Variants in ANKS1B observed in about 807,000 individuals in gnomAD.
ANKS1B encodes ankyrin repeat and sterile alpha motif domain containing 1B, also known as ankyrin repeat and sterile alpha motif domain-containing protein 1B.
ANKS1B carries 36 observed loss-of-function variants against 148.3 expected under a neutral mutation model. The observed-to-expected ratio is 0.24, with a 90% CI of 0.19 to 0.32. The LOEUF is 0.32. Ranked by LOEUF, ANKS1B falls within the 10% of genes least tolerant of loss-of-function variation. ANKS1B has a pLI of 1.00. For missense variants in ANKS1B, 1,157 were observed against 1,542.6 expected, an observed-to-expected ratio of 0.75 and a Z score of 4.19; for synonymous variants, 542 against 560.8, an observed-to-expected ratio of 0.97 and a Z score of 0.47.
At chr12:99,860,479 A>C (rs2089874620) in intron 1 of ANKS1B, among the ~76,000 whole-genome samples, 1 of 152,230 alleles carries the variant, frequency 6.6e-6, no homozygotes, top group African/African-American at 2.4e-5. Context: ...AGATCTTCTA[A>C]TGAAAGGAAA....
chr12:99,919,197 A>G (rs1254646078), intron 1 of ANKS1B, among the ~76,000 whole-genome samples: 1 of 152,168 alleles, frequency 6.6e-6, no homozygotes, highest in African/African-American at 2.4e-5. Flanking sequence ...TGATAGAAAG[A>G]GTATGAATTC....
At chr12:99,712,375 G>C (rs991244438) in intron 8 of ANKS1B, among the ~76,000 whole-genome samples, 2 of 152,116 alleles carry the variant, frequency 1.3e-5, no homozygotes, top group Non-Finnish European at 2.9e-5. Context: ...ATGGACCTAT[G>C]AAGCTACAAT....
intron 9 of ANKS1B, 34 bp downstream of exon 9, chr12:99,655,033 G>T (rs1164670527): frequency 2.7e-6 from 4 of 1,508,862 alleles, no homozygotes; most frequent in Admixed American, 4.2e-5. Flanking sequence ...AACCATTTTT[G>T]TTTTATTGTA....
chr12:99,075,092 G>A (rs762912764), intron 16 of ANKS1B, among the ~76,000 whole-genome samples: 2 of 152,172 alleles, frequency 1.3e-5, no homozygotes, highest in Non-Finnish European at 2.9e-5. Context: ...TACAGAAGGA[G>A]ATGATGTTTC....
rs71088130 is a variant in ANKS1B, at chr12:99,523,551, C to CTTTT, written c.1273-18914_1273-18911dup. Among the ~76,000 whole-genome samples the CTTTT allele has an allele frequency of 1.2e-3, 139 of 119,588 alleles. 2 individuals are homozygous for CTTTT. The highest frequency in any genetic ancestry group is 3.3e-3 in the African/African-American group (99 of 29,890). 78.5% of individuals were successfully genotyped at this position (119,588 alleles called of 152,430 possible). A position where few individuals can be genotyped will look rare whatever the true frequency, so the allele number is the denominator to read the frequency against. ...TAGCCTGATCTATACAAGGCATCTT[C>CTTTT]TTTTTTTTTTTTTTTTTTTTGAGAC... On this transcript the variant is annotated intron_variant, in intron 9 of 26. Coordinates refer to ENST00000683438, the MANE Select transcript of ANKS1B (RefSeq NM_001352186.2).
chr12:99,640,968 T>C (rs1274157293), intron 9 of ANKS1B, among the ~76,000 whole-genome samples: 1 of 152,232 alleles, frequency 6.6e-6, no homozygotes, highest in East Asian at 1.9e-4. Context: ...TGTTTAAGTA[T>C]ATAAAGCAGG....
chr12:99,611,685 C>T (rs2097903675), intron 9 of ANKS1B, among the ~76,000 whole-genome samples: 1 of 151,892 alleles, frequency 6.6e-6, no homozygotes, highest in Non-Finnish European at 1.5e-5. Context: ...TTTTTAATGC[C>T]CATTTGAGAT....
intron 17 of ANKS1B, among the ~76,000 whole-genome samples, chr12:98,961,477 A>C (rs1315466123): frequency 1.3e-5 from 2 of 152,202 alleles, no homozygotes; most frequent in Non-Finnish European, 2.9e-5. Flanking sequence ...TGTCCTACAA[A>C]AAAATGCTAA....
intron 1 of ANKS1B, among the ~76,000 whole-genome samples, chr12:99,872,467 A>C (rs185250162): frequency 6.6e-6 from 1 of 152,148 alleles, no homozygotes; most frequent in Non-Finnish European, 1.5e-5. Flanking sequence ...ACCAATGTGA[A>C]ACAAATATCA....
intron 9 of ANKS1B, among the ~76,000 whole-genome samples, chr12:99,593,225 A>G (rs961635017): frequency 5.9e-5 from 9 of 151,786 alleles, no homozygotes; most frequent in Non-Finnish European, 4.4e-5. Flanking sequence ...GGAGAGGTCC[A>G]TTCAGATGGT....
At chr12:99,548,941 T>C (rs1653666799) in intron 9 of ANKS1B, among the ~76,000 whole-genome samples, 2 of 152,190 alleles carry the variant, frequency 1.3e-5, no homozygotes, top group African/African-American at 4.8e-5. Context: ...CCAAAATAGA[T>C]AATTACAACT....
At chr12:98,952,069 G>A (rs1173488335) in intron 17 of ANKS1B, among the ~76,000 whole-genome samples, 1 of 152,206 alleles carries the variant, frequency 6.6e-6, no homozygotes, top group African/African-American at 2.4e-5. Context: ...GGTAATCTAA[G>A]TTGGGCAGTT....
intron 8 of ANKS1B, among the ~76,000 whole-genome samples, chr12:99,696,708 T>TA (rs61577811): frequency 0.2 from 29,821 of 152,038 alleles, 3,437 homozygotes; most frequent in East Asian, 0.46. Context: ...ATATATAAAA[T>TA]AAAAATTGAT....
intron 12 of ANKS1B, among the ~76,000 whole-genome samples, chr12:99,286,382 C>T (rs927457010): frequency 6.6e-6 from 1 of 151,960 alleles, no homozygotes; most frequent in Admixed American, 6.6e-5. Flanking sequence ...AGCCCTTGGG[C>T]CTTGAATGAA....
chr12:99,844,147 TGTTTGTCAGAGA>T (rs1259869926), intron 1 of ANKS1B, among the ~76,000 whole-genome samples: 1 of 152,042 alleles, frequency 6.6e-6, no homozygotes, highest in Non-Finnish European at 1.5e-5. Context: ...GGATATTAGG[TGTTTGTCAGAGA>T]GTAGATTGCA....
intron 9 of ANKS1B, among the ~76,000 whole-genome samples, chr12:99,586,976 C>A (rs757342824): frequency 2.6e-5 from 4 of 151,918 alleles, no homozygotes; most frequent in Non-Finnish European, 5.9e-5. Context: ...GGGGACAGAA[C>A]CAAACCATAC....
chr12:99,537,289 C>T (rs1279052142), intron 9 of ANKS1B, among the ~76,000 whole-genome samples: 2 of 151,986 alleles, frequency 1.3e-5, no homozygotes, highest in Non-Finnish European at 2.9e-5. Flanking sequence ...GCAGTGGGAT[C>T]GCTGGACCAT....
At chr12:99,183,682 A>G (rs1034345976) in intron 14 of ANKS1B, among the ~76,000 whole-genome samples, 7 of 152,184 alleles carry the variant, frequency 4.6e-5, no homozygotes, top group African/African-American at 1.7e-4. Flanking sequence ...TCATTGGTCA[A>G]GGAAGTTTGG....
At chr12:99,707,694 C>A (rs2056028502) in intron 8 of ANKS1B, among the ~76,000 whole-genome samples, 1 of 151,876 alleles carries the variant, frequency 6.6e-6, no homozygotes, top group East Asian at 1.9e-4. Flanking sequence ...AAAGAAAGGG[C>A]AGCAGGGAGC....
Sources: gnomAD v4.1 joint callset for allele counts (sites outside exome capture counted in the v4.1 genomes callset) on GRCh38, gnomAD v4.1.1 for gene constraint, MANE v1.5 for transcripts, NCBI Gene and HGNC (gene_info 2026-07-23, HGNC 2026-07-21) for gene names.